SETD3: variants seen among roughly 807,000 people sequenced by gnomAD.
SETD3 encodes SET domain containing 3, actin N3(tau)-histidine methyltransferase.
Under a neutral mutation model 63.0 loss-of-function variants are expected in SETD3, and 19 were observed. That is an observed-to-expected ratio of 0.30 (90% CI 0.21 to 0.44). The LOEUF (loss-of-function observed/expected upper bound fraction) is 0.44. Among genes scored for constraint, SETD3 ranks in the 20% least tolerant of loss-of-function variants. The pLI is 1.00. For missense variants in SETD3, 587 were observed against 728.5 expected (o/e 0.81, Z 2.24); for synonymous variants, 286 against 264.1 (o/e 1.08, Z -0.80).
the SETD3 span, among the ~76,000 whole-genome samples, chr14:99,486,392 T>C: frequency 6.6e-6 from 1 of 152,196 alleles, no homozygotes; most frequent in African/African-American, 2.4e-5. Flanking sequence ...TTGGTACAAG[T>C]TCACAGAGTT....
intron 6 of SETD3, among the ~76,000 whole-genome samples, chr14:99,430,667 T>C (rs1595189898): frequency 6.6e-6 from 1 of 152,168 alleles, no homozygotes; most frequent in Admixed American, 6.5e-5. Flanking sequence ...GGGGCTCACG[T>C]GGCGCCACTG....
intron 6 of SETD3, among the ~76,000 whole-genome samples, chr14:99,455,551 C>T (rs1595241958): frequency 2.0e-5 from 3 of 152,192 alleles, no homozygotes; most frequent in Admixed American, 2.0e-4. Flanking sequence ...ACAGGATGCA[C>T]TTACAGCCAG....
intron 7 of SETD3, 82 bp downstream of exon 7, chr14:99,413,794 G>T: frequency 7.5e-7 from 1 of 1,330,346 alleles, no homozygotes; most frequent in Non-Finnish European, 1.1e-6. Flanking sequence ...ACTTCTCACT[G>T]AAGCCCTTCC....
At chr14:99,447,402 A>G (rs1894198909) in intron 6 of SETD3, among the ~76,000 whole-genome samples, 1 of 152,276 alleles carries the variant, frequency 6.6e-6, no homozygotes, top group African/African-American at 2.4e-5. Flanking sequence ...ACAAGAACAT[A>G]GTTAAAAGCA....
At chr14:99,415,527 C>T (rs989017782) in intron 6 of SETD3, among the ~76,000 whole-genome samples, 5 of 152,080 alleles carry the variant, frequency 3.3e-5, no homozygotes, top group African/African-American at 1.2e-4. Flanking sequence ...CAAAATGTTT[C>T]TCTTCCTGCT....
At chr14:99,409,879 G>A (rs2943) in intron 8 of SETD3, 82,568 of 208,834 alleles carry the variant, frequency 0.4, 17,040 homozygotes, top group East Asian at 0.53. Context: ...TTTATTTACC[G>A]GTCATGAATT....
chr14:99,416,181 A>T (rs1892279477), intron 6 of SETD3, among the ~76,000 whole-genome samples: 1 of 152,218 alleles, frequency 6.6e-6, no homozygotes, highest in Non-Finnish European at 1.5e-5. Flanking sequence ...AACAAGGATA[A>T]GACAAATGTC....
Position 99,461,207 on chromosome 14 carries a change from T to C in SETD3, c.330A>G (p.Ala110=), listed in dbSNP as rs753552080. The C allele has an allele frequency of 6.2e-7, 1 of 1,613,994 alleles. No individual in the cohort carries two copies. Among genetic ancestry groups the C allele is most frequent in the Non-Finnish European group, 8.5e-7 (1 of 1,179,974 alleles). ...NFKEEGFGLR[A]TRDIKAEELF... ...ATAAACTCACCTTGATATCTCTTGT[T>C]GCTCTCAAACCAAAGCCCTCTTCTT... Residue 110 remains alanine, a synonymous_variant, in exon 4 of 13, where the codon GCA becomes GCG. Coordinates refer to ENST00000331768, the MANE Select transcript of SETD3 (RefSeq NM_032233.3).
chr14:99,400,976 C>CA (rs35957268), intron 11 of SETD3, among the ~76,000 whole-genome samples: 2 of 151,956 alleles, frequency 1.3e-5, no homozygotes, highest in African/African-American at 4.8e-5. Context: ...CCCATCTCTA[C>CA]AAAAAATACA....
At chr14:99,465,649 A>G in intron 2 of SETD3, 54 bp downstream of exon 2, 1 of 1,425,900 alleles carries the variant, frequency 7.0e-7, no homozygotes, top group Non-Finnish European at 9.8e-7. Context: ...GTGACAAAGA[A>G]GAAAAAGGCA....
chr14:99,467,116 A>G (rs1302718473), intron 1 of SETD3, among the ~76,000 whole-genome samples: 1 of 152,224 alleles, frequency 6.6e-6, no homozygotes, highest in Non-Finnish European at 1.5e-5. Flanking sequence ...ACATCACATT[A>G]TTTAACAGGC....
chr14:99,465,665 AC>A, intron 2 of SETD3, 37 bp downstream of exon 2: 1 of 1,515,584 alleles, frequency 6.6e-7, no homozygotes, highest in Non-Finnish European at 9.1e-7. Flanking sequence ...AGGCACAGCC[AC>A]CACATCAAGG....
chr14:99,450,207 T>C (rs2047922251), intron 6 of SETD3, among the ~76,000 whole-genome samples: 1 of 152,250 alleles, frequency 6.6e-6, no homozygotes, highest in Non-Finnish European at 1.5e-5. Flanking sequence ...TTCAGGGCCT[T>C]GGGATCTTTA....
chr14:99,481,131 G>C, upstream of SETD3: 1 of 316,220 alleles, frequency 3.2e-6, no homozygotes, highest in Non-Finnish European at 5.8e-6. Context: ...ATCTCGACCC[G>C]GGCCCCGCCT....
intron 6 of SETD3, among the ~76,000 whole-genome samples, chr14:99,440,091 G>T (rs867401498): frequency 6.6e-6 from 1 of 152,024 alleles, no homozygotes; most frequent in Non-Finnish European, 1.5e-5. Context: ...TTATAGGCAT[G>T]AACCACCAAG....
At chr14:99,424,830 G>A (rs533599667) in intron 6 of SETD3, among the ~76,000 whole-genome samples, 21 of 152,298 alleles carry the variant, frequency 1.4e-4, no homozygotes, top group Non-Finnish European at 1.3e-4. Context: ...TGTACCCAGG[G>A]AAGTGAGAGA....
chr14:99,406,269 G>A (rs1773452336), intron 9 of SETD3, among the ~76,000 whole-genome samples: 1 of 152,122 alleles, frequency 6.6e-6, no homozygotes, highest in African/African-American at 2.4e-5. Context: ...GGCCAATTGT[G>A]CAACTAACTG....
intron 1 of SETD3, among the ~76,000 whole-genome samples, chr14:99,480,233 C>T (rs1438993404): frequency 6.6e-6 from 1 of 152,076 alleles, no homozygotes. Flanking sequence ...CTTCCCCGAG[C>T]AGCGGGGTGA....
At chr14:99,413,995 G>T (rs374562626) in intron 6 of SETD3, 61 bp from the exon 7 acceptor site, 11 of 1,471,762 alleles carry the variant, frequency 7.5e-6, no homozygotes, top group Non-Finnish European at 1.0e-5. Context: ...ACAGAAATCA[G>T]TCAGCAGAAT....
Sources: gnomAD v4.1 joint callset for allele counts (sites outside exome capture counted in the v4.1 genomes callset) on GRCh38, gnomAD v4.1.1 for gene constraint, MANE v1.5 for transcripts, NCBI Gene and HGNC (gene_info 2026-07-23, HGNC 2026-07-21) for gene names.